Variants in CFAP95 observed in about 807,000 individuals in gnomAD.
CFAP95 encodes the protein cilia and flagella associated protein 95.
chr9:69,852,307 T>C, the CFAP95 span, among the ~76,000 whole-genome samples: 306 of 152,190 alleles, frequency 2.0e-3, 2 homozygotes, highest in African/African-American at 7.1e-3. Context: ...TCCAAGTAAG[T>C]GAGATGCCAA....
At chr9:69,854,119 G>A in the CFAP95 span, among the ~76,000 whole-genome samples, 1,533 of 152,290 alleles carry the variant, frequency 0.01, 24 homozygotes, top group African/African-American at 0.034. Context: ...AACATTTGCC[G>A]CTGGTATAGG....
chr9:69,832,437 G>T, the CFAP95 span, among the ~76,000 whole-genome samples: 3 of 152,060 alleles, frequency 2.0e-5, no homozygotes, highest in African/African-American at 4.8e-5. Flanking sequence ...GGTAAGTCTT[G>T]CTCCTTGTCT....
At chr9:69,834,146 G>A in the CFAP95 span, among the ~76,000 whole-genome samples, 1 of 152,144 alleles carries the variant, frequency 6.6e-6, no homozygotes, top group Non-Finnish European at 1.5e-5. Flanking sequence ...GTCACTCCAT[G>A]CCAGGTATAC....
At chr9:69,872,732 C>T in the CFAP95 span, among the ~76,000 whole-genome samples, 1,346 of 152,196 alleles carry the variant, frequency 8.8e-3, 22 homozygotes, top group African/African-American at 0.03. Context: ...TACCTGTGGT[C>T]CCAGCATGTT....
At chr9:69,865,159 CTT>C in the CFAP95 span, among the ~76,000 whole-genome samples, 1 of 152,266 alleles carries the variant, frequency 6.6e-6, no homozygotes, top group East Asian at 1.9e-4. Context: ...TTTGCTCACT[CTT>C]CTCTCTCCTG....
At chr9:69,834,305 C>T in the CFAP95 span, among the ~76,000 whole-genome samples, 2 of 152,128 alleles carry the variant, frequency 1.3e-5, no homozygotes, top group Admixed American at 6.5e-5. Context: ...CAGAAGTATC[C>T]TAGGGTTTGA....
chr9:69,879,644 T>C, the CFAP95 span, among the ~76,000 whole-genome samples: 1 of 152,218 alleles, frequency 6.6e-6, no homozygotes. Flanking sequence ...AAAGACAGTT[T>C]ATGCACAGCC....
At chr9:69,872,058 G>A in the CFAP95 span, among the ~76,000 whole-genome samples, 1 of 152,292 alleles carries the variant, frequency 6.6e-6, no homozygotes, top group African/African-American at 2.4e-5. Flanking sequence ...AAAGGACTCA[G>A]AGGGGTAAAG....
the CFAP95 span, among the ~76,000 whole-genome samples, chr9:69,883,562 T>C: frequency 1.3e-5 from 2 of 152,180 alleles, no homozygotes; most frequent in African/African-American, 4.8e-5. Context: ...ACGCTCCTGC[T>C]CTGTCAACTA....
At chr9:69,867,297 T>G in the CFAP95 span, among the ~76,000 whole-genome samples, 1 of 152,182 alleles carries the variant, frequency 6.6e-6, no homozygotes, top group East Asian at 1.9e-4. Flanking sequence ...AGATCTGAAG[T>G]TTTGGCATCC....
chr9:69,895,504 C>T, the CFAP95 span, among the ~76,000 whole-genome samples: 140 of 152,088 alleles, frequency 9.2e-4, no homozygotes, highest in African/African-American at 3.1e-3. Context: ...TTGATTCTGT[C>T]TCAATGATCT....
the CFAP95 span, among the ~76,000 whole-genome samples, chr9:69,836,323 C>T: frequency 4.1e-4 from 63 of 152,130 alleles, no homozygotes; most frequent in African/African-American, 1.5e-3. Flanking sequence ...ACATTTTGGG[C>T]AAGATACTTC....
chr9:69,857,569 G>A, the CFAP95 span, among the ~76,000 whole-genome samples: 1 of 152,208 alleles, frequency 6.6e-6, no homozygotes, highest in African/African-American at 2.4e-5. Flanking sequence ...CTGCTGCCCA[G>A]GCTGGAGGAC....
At chr9:69,901,650 C>T in the CFAP95 span, among the ~76,000 whole-genome samples, 1 of 152,044 alleles carries the variant, frequency 6.6e-6, no homozygotes, top group Non-Finnish European at 1.5e-5. Flanking sequence ...CAGTAACATA[C>T]GTGTGCATGT....
At chr9:69,830,340 C>G in the CFAP95 span, among the ~76,000 whole-genome samples, 1 of 152,080 alleles carries the variant, frequency 6.6e-6, no homozygotes, top group Non-Finnish European at 1.5e-5. Context: ...GAGGACGCAT[C>G]CAGGAGAAGG....
chr9:69,855,986 T>G, the CFAP95 span, among the ~76,000 whole-genome samples: 1 of 152,200 alleles, frequency 6.6e-6, no homozygotes, highest in Non-Finnish European at 1.5e-5. Context: ...CTTCTAGAGT[T>G]TTGTATGGAG....
the CFAP95 span, among the ~76,000 whole-genome samples, chr9:69,829,374 C>T: frequency 5.9e-5 from 9 of 152,288 alleles, no homozygotes; most frequent in South Asian, 8.3e-4. Context: ...AATGATTGTG[C>T]CATGACCTTT....
chr9:69,871,178 A>T, the CFAP95 span, among the ~76,000 whole-genome samples: 1 of 152,084 alleles, frequency 6.6e-6, no homozygotes, highest in African/African-American at 2.4e-5. Context: ...AGATCGCCAC[A>T]CTGCATTCCA....
At chr9:69,882,134 C>A in the CFAP95 span, among the ~76,000 whole-genome samples, 3 of 152,062 alleles carry the variant, frequency 2.0e-5, no homozygotes, top group African/African-American at 7.2e-5. Flanking sequence ...AGGTGTGTGC[C>A]ACCACACCTG....
Sources: gnomAD v4.1 joint callset for allele counts (sites outside exome capture counted in the v4.1 genomes callset) on GRCh38, gnomAD v4.1.1 for gene constraint, MANE v1.5 for transcripts, NCBI Gene and HGNC (gene_info 2026-07-23, HGNC 2026-07-21) for gene names.